PLSCR5: variants seen among roughly 807,000 people sequenced by gnomAD.
PLSCR5 encodes phospholipid scramblase family, member 5.
PLSCR5 carries 44 observed loss-of-function variants against 33.6 expected under a neutral mutation model. That is an observed-to-expected ratio of 1.31 (90% CI 1.03 to 1.69). The LOEUF is 1.69. Among genes scored for constraint, PLSCR5 ranks in the 40% most tolerant of loss-of-function variants. The pLI is 0.00. For missense variants in PLSCR5, 375 were observed against 318.7 expected (o/e 1.18, Z -1.34); for synonymous variants, 148 against 112.3 (o/e 1.32, Z -2.01).
At position 146,605,278 on chromosome 3, in the gene PLSCR5, C is replaced by G. The variant is rs1230965759; in HGVS notation, c.-66G>C. 1.2e-6 allele frequency: 2 copies of G among 1,606,714 alleles called. No individual in the cohort carries two copies. The highest frequency in any genetic ancestry group is 1.7e-6 in the Non-Finnish European group (2 of 1,176,022). On this transcript the variant is annotated 5_prime_UTR_variant, in exon 1 of 8. Coordinates refer to ENST00000443512, the MANE Select transcript of PLSCR5 (RefSeq NM_001085420.2). ...AAAACAAAGGCTTTTCTTGTTGCAG[C>G]AAGGAGAGAAAACGCAGCATGCACA...
intron 4 of PLSCR5, among the ~76,000 whole-genome samples, chr3:146,592,501 T>G (rs1283050172): frequency 6.6e-6 from 1 of 152,126 alleles, no homozygotes; most frequent in Non-Finnish European, 1.5e-5. Context: ...CCTTTACATA[T>G]TTATGTAACC....
intron 6 of PLSCR5, among the ~76,000 whole-genome samples, chr3:146,588,598 C>T (rs1046618246): frequency 2.0e-5 from 3 of 152,134 alleles, no homozygotes; most frequent in African/African-American, 7.2e-5. Flanking sequence ...AGGAACAGTT[C>T]CAGGTGAAAA....
chr3:146,599,875 G>A (rs1425943956), intron 2 of PLSCR5, among the ~76,000 whole-genome samples: 1 of 151,888 alleles, frequency 6.6e-6, no homozygotes, highest in Non-Finnish European at 1.5e-5. Flanking sequence ...GTATCATGTT[G>A]CGCAGCCTGG....
chr3:146,586,812 C>T (rs1576816999), intron 6 of PLSCR5, among the ~76,000 whole-genome samples: 1 of 151,942 alleles, frequency 6.6e-6, no homozygotes, highest in Non-Finnish European at 1.5e-5. Context: ...AAGCTTTCGC[C>T]TGAATAAAAT....
At chr3:146,589,460 G>T in intron 6 of PLSCR5, 193 bp downstream of exon 6, 1 of 429,228 alleles carries the variant, frequency 2.3e-6, no homozygotes, top group Non-Finnish European at 3.9e-6. Flanking sequence ...TGAGATCACT[G>T]AAGAGGGGCT....
In PLSCR5 at chr3:146,593,926, T is replaced by C; in HGVS notation, c.447A>G (p.Leu149=). 1 of 1,613,402 alleles carries C rather than the reference T, an allele frequency of 6.2e-7. No individual in the cohort carries two copies. Residue 149 remains leucine, a synonymous_variant, in exon 4 of 8, where the codon CTA becomes CTG. Transcript: ENST00000443512. ...ACCAGAGCCAGTAACTAACCTCTTG[T>C]AGGTAGCAAGGGCACCAGCAGCTGT... ...RCNSCWCPCY[L]QELEIQAPPG...
chr3:146,583,761 G>A (rs548066815), downstream of PLSCR5, among the ~76,000 whole-genome samples: 1 of 152,116 alleles, frequency 6.6e-6, no homozygotes, highest in East Asian at 1.9e-4. Flanking sequence ...TCTCCCTTTG[G>A]TGTAAGTGTT....
In PLSCR5 at chr3:146,595,025, T is replaced by C. The variant is rs760866280; in HGVS notation, c.232+16A>G. On this transcript the variant is annotated intron_variant, in intron 3 of 7. Coordinates refer to ENST00000443512, the MANE Select transcript of PLSCR5 (RefSeq NM_001085420.2). ...CAATAGTTTTAATAAATATGTAATA[T>C]ATATAATGCACTTACTTCCAAGCAG... The C allele has an allele frequency of 2.2e-6, 3 of 1,364,878 alleles. No homozygotes were observed. The highest frequency in any genetic ancestry group is 2.9e-6 in the Non-Finnish European group (3 of 1,032,634). The allele number at this position is 1,364,878 out of a possible 1,614,324, so 84.5% of individuals were successfully genotyped here. A position where few individuals can be genotyped will look rare whatever the true frequency, so the allele number is the denominator to read the frequency against.
rs2044801807 is a variant in PLSCR5, at chr3:146,600,379, G to A, written c.98C>T (p.Pro33Leu). 1 of 1,610,446 alleles carries A rather than the reference G, an allele frequency of 6.2e-7. No individual in the cohort carries two copies. Among genetic ancestry groups the A allele is most frequent in the Non-Finnish European group, 8.5e-7 (1 of 1,178,218 alleles). Residue 33 changes from proline (P) to leucine (L), a missense_variant, in exon 2 of 8, where the codon CCA (proline) becomes CTA (leucine). Coordinates refer to ENST00000443512, the MANE Select transcript of PLSCR5 (RefSeq NM_001085420.2). ...PDQSLPASSN[P>L]GNQAWQLSLP... ...ACTCAGCTGCCATGCTTGGTTCCCT[G>A]GATTGGAAGAGGCAGGAAGGCTTTG...
chr3:146,580,454 CTTTTTTTTTTTTT>C lies in PLSCR5; in HGVS notation c.*45-3742_*45-3730del, dbSNP rs1170556618. Among the ~76,000 whole-genome samples, 62 of 60,554 alleles carry C rather than the reference CTTTTTTTTTTTTT, an allele frequency of 1.0e-3. 2 individuals carry two copies. The highest frequency in any genetic ancestry group is 2.7e-4 in the Non-Finnish European group (9 of 33,396). 39.7% of individuals were successfully genotyped at this position (60,554 alleles called of 152,430 possible). A position where few individuals can be genotyped will look rare whatever the true frequency, so the allele number is the denominator to read the frequency against. On this transcript the variant is annotated intron_variant, in intron 7 of 7. Transcript: ENST00000482567. Reference sequence around the variant, plus strand: ...TCTTGACTCAGAGCCTTTGAATTTGCTTTTTTTTTTTTTTTTTTTTTTTTTTTTGAGACGGAGT... The same window carrying C: ...TCTTGACTCAGAGCCTTTGAATTTGCTTTTTTTTTTTTTTTGAGACGGAGT...
At chr3:146,577,565 T>C (rs1333093616) in intron 7 of PLSCR5, among the ~76,000 whole-genome samples, 1 of 152,136 alleles carries the variant, frequency 6.6e-6, no homozygotes, top group African/African-American at 2.4e-5. Flanking sequence ...TACGCCAATG[T>C]TACTCAGTTT....
chr3:146,599,169 G>T (rs2044788489), intron 2 of PLSCR5, among the ~76,000 whole-genome samples: 1 of 152,122 alleles, frequency 6.6e-6, no homozygotes, highest in African/African-American at 2.4e-5. Flanking sequence ...AATTTTATAT[G>T]CCATAAAATT....
chr3:146,583,632 G>T (rs2044648101), downstream of PLSCR5, among the ~76,000 whole-genome samples: 1 of 152,160 alleles, frequency 6.6e-6, no homozygotes, highest in South Asian at 2.1e-4. Flanking sequence ...GACAGAATGG[G>T]TCTCAGTTTA....
At chr3:146,594,245 T>G (rs1177316966) in intron 3 of PLSCR5, 105 bp from the exon 4 acceptor site, 3 of 786,956 alleles carry the variant, frequency 3.8e-6, no homozygotes, top group Non-Finnish European at 6.0e-6. Flanking sequence ...TGATCAATTA[T>G]TAAATATATG....
intron 1 of PLSCR5, among the ~76,000 whole-genome samples, chr3:146,603,469 A>G (rs1208513747): frequency 6.6e-6 from 1 of 152,068 alleles, no homozygotes; most frequent in Non-Finnish European, 1.5e-5. Flanking sequence ...CCGGTTGCAG[A>G]AGGAGGGTCA....
At chr3:146,593,488 C>A (rs2044731788) in intron 4 of PLSCR5, among the ~76,000 whole-genome samples, 1 of 152,114 alleles carries the variant, frequency 6.6e-6, no homozygotes, top group Admixed American at 6.6e-5. Flanking sequence ...TGGGTAAATG[C>A]ATTGTGAGAT....
intron 1 of PLSCR5, among the ~76,000 whole-genome samples, chr3:146,601,765 G>A (rs433452): frequency 6.6e-6 from 1 of 152,064 alleles, no homozygotes; most frequent in Non-Finnish European, 1.5e-5. Flanking sequence ...GTGTGGGGCA[G>A]GGGGGTGGTG....
chr3:146,601,413 A>G (rs565627022), intron 1 of PLSCR5, among the ~76,000 whole-genome samples: 52 of 152,250 alleles, frequency 3.4e-4, no homozygotes, highest in Non-Finnish European at 5.4e-4. Context: ...AGTAATCAAC[A>G]AAGTGTTAGA....
At position 146,589,663 on chromosome 3, in the gene PLSCR5, C is replaced by T. The variant is rs745962310; in HGVS notation, c.767G>A (p.Cys256Tyr). 2 of 1,581,828 alleles carry T rather than the reference C, an allele frequency of 1.3e-6. No homozygotes were observed. Among genetic ancestry groups the T allele is most frequent in the South Asian group, 2.3e-5 (2 of 86,722 alleles). The change falls in exon 6 of 8, where the codon TGT (cysteine) becomes TAT (tyrosine). Residue 256 changes from cysteine to tyrosine, a missense_variant. Cys to Tyr is a radical substitution (Grantham distance 194, BLOSUM62 -2). Coordinates refer to ENST00000443512, the MANE Select transcript of PLSCR5 (RefSeq NM_001085420.2). ...VTVKAAMIGACFLFDFMFFEH... is the reference protein window; with the variant it reads ...VTVKAAMIGAYFLFDFMFFEH... ...AAAGCCCATACTTACAAAGAGAAAA[C>T]AGGCACCGATCATTGCTGCTTTGAC...
Sources: allele counts gnomAD v4.1 joint callset (sites outside exome capture counted in the v4.1 genomes callset), GRCh38; gene constraint gnomAD v4.1.1; transcripts MANE v1.5; gene names NCBI Gene and HGNC (gene_info 2026-07-23, HGNC 2026-07-21).